Variants in C1QTNF6 observed in about 807,000 individuals in gnomAD.
The protein encoded by C1QTNF6 is C1q and TNF related 6.
A neutral mutation model predicts 20.7 loss-of-function variants in C1QTNF6; 17 were observed. That is an observed-to-expected ratio of 0.82 (90% CI 0.56 to 1.23). The LOEUF (loss-of-function observed/expected upper bound fraction) is 1.23, where lower values mean the gene tolerates loss of function less well. Ranked by LOEUF, C1QTNF6 falls within the 50% of genes most tolerant of loss-of-function variation. The probability of loss-of-function intolerance (pLI) is 0.00; values close to 1 mark genes in which losing one functional copy is unlikely to be tolerated. For synonymous variants in C1QTNF6, 130 were observed against 156.3 expected (o/e 0.83, Z 1.25); for missense variants, 329 against 389.7 (o/e 0.84, Z 1.31).
rs149933451 is a variant in C1QTNF6, at chr22:37,187,368, G to C, written c.51+795C>G. On this transcript the variant is annotated intron_variant, in intron 1 of 2. Coordinates refer to ENST00000337843, the MANE Select transcript of C1QTNF6 (RefSeq NM_031910.4). ...AATTCCCTTCTTTTTCCCAGCCACA[G>C]ATATGACCTCATGAGAAAAGCTGAG... Among the ~76,000 whole-genome samples the C allele has an allele frequency of 3.5e-4, 53 of 152,288 alleles. No homozygotes were observed. In the East Asian group the frequency reaches 8.5e-3, roughly 24 times the overall value.
intron 2 of C1QTNF6, among the ~76,000 whole-genome samples, chr22:37,183,409 C>A: frequency 6.6e-6 from 1 of 152,364 alleles, no homozygotes; most frequent in East Asian, 1.9e-4. Context: ...TCACCCAGCA[C>A]GGCTGGCCCA....
At chr22:37,193,701 A>G (rs1172282266) in intron 2 of C1QTNF6, among the ~76,000 whole-genome samples, 1 of 152,244 alleles carries the variant, frequency 6.6e-6, no homozygotes, top group Non-Finnish European at 1.5e-5. Flanking sequence ...TAAGGTTAGC[A>G]CTTAACCCAG....
At chr22:37,182,832 C>G (rs1189271661) in intron 2 of C1QTNF6, 97 bp from the exon 3 acceptor site, 2 of 1,458,342 alleles carry the variant, frequency 1.4e-6, no homozygotes, top group South Asian at 2.9e-5. Flanking sequence ...CCTGTCCTGG[C>G]CCAGAGAAGA....
At chr22:37,188,266 A>G, upstream of C1QTNF6, 2 of 1,426,626 alleles carry the variant, frequency 1.4e-6, no homozygotes, top group Admixed American at 4.0e-5. Flanking sequence ...GCTGGCCCAG[A>G]CCCCCAGGCC....
chr22:37,192,866 C>G (rs1371106644), upstream of C1QTNF6, among the ~76,000 whole-genome samples: 3 of 152,198 alleles, frequency 2.0e-5, no homozygotes, highest in Admixed American at 6.5e-5. Flanking sequence ...TTACTGACTT[C>G]AGGGTGGAGC....
intron 2 of C1QTNF6, among the ~76,000 whole-genome samples, chr22:37,194,437 C>T (rs528832977): frequency 1.3e-5 from 2 of 152,298 alleles, no homozygotes; most frequent in South Asian, 4.1e-4. Context: ...AACCAGTTTG[C>T]ACCAAGAGAG....
At chr22:37,188,511 C>T (rs558646518), upstream of C1QTNF6, 238 of 310,304 alleles carry the variant, frequency 7.7e-4, 2 homozygotes, top group Middle Eastern at 0.016. Context: ...TCTGAGGCCC[C>T]CTGATGATTG....
chr22:37,186,487 T>G (rs1165217167), intron 1 of C1QTNF6, among the ~76,000 whole-genome samples: 1 of 152,178 alleles, frequency 6.6e-6, no homozygotes, highest in Non-Finnish European at 1.5e-5. Context: ...AAATTGGAAT[T>G]AAGGGGTAGG....
intron 1 of C1QTNF6, 24 bp downstream of exon 1, chr22:37,188,139 C>T: frequency 1.3e-6 from 2 of 1,599,810 alleles, no homozygotes; most frequent in Non-Finnish European, 8.5e-7. Flanking sequence ...AGCCCCCAAG[C>T]TTGAGGAGCC....
chr22:37,198,518 G>A (rs1834869937), upstream of C1QTNF6, among the ~76,000 whole-genome samples: 1 of 152,100 alleles, frequency 6.6e-6, no homozygotes, highest in African/African-American at 2.4e-5. Flanking sequence ...CTGTCAAAAA[G>A]GGAGACAGGA....
intron 1 of C1QTNF6, 192 bp from the exon 2 acceptor site, chr22:37,185,647 G>A: frequency 1.5e-6 from 2 of 1,295,294 alleles, no homozygotes; most frequent in Non-Finnish European, 2.0e-6. Flanking sequence ...CCAAGATCGG[G>A]AGGAGACTGG....
rs145928195 is a variant in C1QTNF6, at chr22:37,182,297, C to A, written c.728G>T (p.Arg243Leu). 2 of 1,614,064 alleles carry A rather than the reference C, an allele frequency of 1.2e-6. No homozygotes were observed. Among genetic ancestry groups the A allele is most frequent in the Non-Finnish European group, 1.7e-6 (2 of 1,180,032 alleles). Residue 243 changes from arginine to leucine, a missense_variant, in exon 3 of 3, where the codon CGC (arginine) becomes CTC (leucine). Arg to Leu is a moderately radical substitution (Grantham distance 102). Coordinates refer to ENST00000337843, the MANE Select transcript of C1QTNF6 (RefSeq NM_031910.4). ...SVMLDLAYGDRVWVRLFKRQR... is the reference protein window; with the variant it reads ...SVMLDLAYGDLVWVRLFKRQR... The stretch of plus-strand genomic sequence containing the variant: ...GCGCTTGAAGAGCCGCACCCAGACG[C>A]GGTCCCCGTAGGCCAGGTCCAGCAT...
chr22:37,183,483 G>C (rs770097936), intron 2 of C1QTNF6, among the ~76,000 whole-genome samples: 2 of 152,210 alleles, frequency 1.3e-5, no homozygotes, highest in Non-Finnish European at 1.5e-5. Context: ...AGCCCTGCCC[G>C]GCCCTTAGTC....
At position 37,182,216 on chromosome 22, in the gene C1QTNF6, C is replaced by T. The variant is rs865840494; in HGVS notation, c.809G>A (p.Gly270Asp). The change falls in exon 3 of 3, where the codon GGC becomes GAC. Residue 270 changes from glycine (G) to aspartate (D), a missense_variant. Gly to Asp is a moderately conservative substitution (Grantham distance 94). Coordinates refer to ENST00000337843, the MANE Select transcript of C1QTNF6 (RefSeq NM_031910.4). Reference protein sequence around the residue: ...NDFDTYITFSGHLIKAEDD With the variant: ...NDFDTYITFSDHLIKAEDD ...GTCGTCCTCGGCCTTGATGAGGTGGCCGCTGAAGGTGATGTAGGTGTCGAA... is the reference window on the plus strand; with the variant it reads ...GTCGTCCTCGGCCTTGATGAGGTGGTCGCTGAAGGTGATGTAGGTGTCGAA... 6.2e-7 allele frequency: 1 copy of T among 1,613,112 alleles called. No homozygotes were observed.
intron 2 of C1QTNF6, among the ~76,000 whole-genome samples, chr22:37,185,009 C>A (rs564577589): frequency 1.3e-5 from 2 of 152,310 alleles, no homozygotes; most frequent in Admixed American, 1.3e-4. Flanking sequence ...CATCTCCCCA[C>A]CGAGAACGGG....
At chr22:37,185,815 C>T in intron 1 of C1QTNF6, 3 of 1,004,240 alleles carry the variant, frequency 3.0e-6, no homozygotes, top group Non-Finnish European at 3.6e-6. Flanking sequence ...GAAGATGCCC[C>T]AGCTGGCCAT....
chr22:37,188,884 G>C (rs1358191719), upstream of C1QTNF6, among the ~76,000 whole-genome samples: 3 of 152,214 alleles, frequency 2.0e-5, no homozygotes, highest in African/African-American at 7.2e-5. Context: ...AGAATTCTTG[G>C]ATCTTGCACC....
Position 37,182,124 on chromosome 22 carries a change from T to A in C1QTNF6, c.*64A>T. On this transcript the variant is annotated 3_prime_UTR_variant, in exon 3 of 3. Coordinates refer to ENST00000337843, the MANE Select transcript of C1QTNF6 (RefSeq NM_031910.4). Reference sequence around the variant, plus strand: ...CTTCCTGCTTCACAGCAGTGCAAACTGAGCCCTGCAGGGGACGGGACCAGC... The same window carrying A: ...CTTCCTGCTTCACAGCAGTGCAAACAGAGCCCTGCAGGGGACGGGACCAGC... 1 of 1,519,440 alleles carries A rather than the reference T, an allele frequency of 6.6e-7. No homozygotes were observed. Among genetic ancestry groups the A allele is most frequent in the Non-Finnish European group, 8.9e-7 (1 of 1,128,856 alleles). 94.1% of individuals were successfully genotyped at this position (1,519,440 alleles called of 1,614,324 possible). A position where few individuals can be genotyped will look rare whatever the true frequency, so the allele number is the denominator to read the frequency against.
In C1QTNF6 at chr22:37,184,206, C is replaced by A. The variant is rs1440476493; in HGVS notation, c.289+1012G>T. The A allele has an allele frequency of 1.4e-5, 9 of 633,228 alleles. No homozygotes were observed. In the Admixed American group the frequency reaches 1.9e-4, roughly 13 times the overall value. 39.2% of individuals were successfully genotyped at this position (633,228 alleles called of 1,614,324 possible). A position where few individuals can be genotyped will look rare whatever the true frequency, so the allele number is the denominator to read the frequency against. On this transcript the variant is annotated intron_variant, in intron 2 of 2. Coordinates refer to ENST00000337843, the MANE Select transcript of C1QTNF6 (RefSeq NM_031910.4). This position sits in a 1 kb window ranked among gnomAD's most constrained non-coding sequence, Gnocchi z 4.0. ...CAAGGGCAGGCCAGGTGCCAGGTGA[C>A]CACTGGCTGTGCAGTGAGTGTCCCC...
Sources: allele counts gnomAD v4.1 joint callset (sites outside exome capture counted in the v4.1 genomes callset), GRCh38; gene constraint gnomAD v4.1.1; non-coding constraint Gnocchi (gnomAD v3.1); transcripts MANE v1.5; gene names NCBI Gene and HGNC (gene_info 2026-07-23, HGNC 2026-07-21).